Variants in SLC10A7 observed in about 807,000 individuals in gnomAD.
SLC10A7 encodes the protein sodium/bile acid cotransporter 7.
In SLC10A7, 29 loss-of-function variants were observed where a neutral mutation model predicts 43.2. The ratio of observed to expected loss-of-function variants is 0.67; its 90% CI spans 0.50 to 0.92. The LOEUF is 0.92. Among genes scored for constraint, SLC10A7 ranks in the 40% least tolerant of loss-of-function variants. SLC10A7 has a pLI of 0.00. For synonymous variants in SLC10A7, 152 were observed against 144.8 expected, an observed-to-expected ratio of 1.05 and a Z score of -0.35; for missense variants, 295 against 403.2, an observed-to-expected ratio of 0.73 and a Z score of 2.30.
rs75785928 is a variant in SLC10A7 at position 146,260,887 on chromosome 4, G to A, written c.848-2050C>T. ...AGGGGCAGTATGGTGTCAAACTCCC[G>A]TGCTCGCCACACCAGGACGTCCCTG... On this transcript the variant is annotated intron_variant, in intron 10 of 11. Coordinates refer to ENST00000335472, the MANE Select transcript of SLC10A7 (RefSeq NM_001029998.6). Among the ~76,000 whole-genome samples, 7 of 151,890 alleles carry A rather than the reference G, an allele frequency of 4.6e-5. No individual in the cohort carries two copies. The East Asian group carries it at 7.8e-4, about 17-fold the overall frequency.
At chr4:146,391,887 C>A (rs771691916) in intron 5 of SLC10A7, among the ~76,000 whole-genome samples, 1 of 152,168 alleles carries the variant, frequency 6.6e-6, no homozygotes, top group African/African-American at 2.4e-5. Flanking sequence ...CTGGCCCCTA[C>A]AAAATTACCC....
At chr4:146,370,777 T>A (rs1480503345) in intron 5 of SLC10A7, among the ~76,000 whole-genome samples, 1 of 152,182 alleles carries the variant, frequency 6.6e-6, no homozygotes, top group Non-Finnish European at 1.5e-5. Context: ...GTTTCCGAAA[T>A]GTCTACTCCA....
intron 1 of SLC10A7, among the ~76,000 whole-genome samples, chr4:146,517,683 G>A (rs1363254362): frequency 6.6e-6 from 1 of 152,122 alleles, no homozygotes; most frequent in East Asian, 1.9e-4. Flanking sequence ...GAAGCACACA[G>A]GACAGCATGT....
chr4:146,409,719 C>A (rs911217660), intron 5 of SLC10A7, among the ~76,000 whole-genome samples: 1 of 152,058 alleles, frequency 6.6e-6, no homozygotes, highest in African/African-American at 2.4e-5. Context: ...GGTAACTAAT[C>A]AAGAACGTGA....
chr4:146,336,069 T>A lies in SLC10A7; in HGVS notation c.436-10073A>T, dbSNP rs77296856. On this transcript the variant is annotated intron_variant, in intron 5 of 11. Transcript: ENST00000335472. ...GCATATTAAAATTTTAAAAAATGGA[T>A]TTAGATTCTAGAGCAGAGGTTGGCA... Among the ~76,000 whole-genome samples, 1,087 of 152,160 alleles carry A rather than the reference T, an allele frequency of 7.1e-3. 8 individuals are homozygous for A. The highest frequency in any genetic ancestry group is 0.023 in the African/African-American group (967 of 41,516).
At chr4:146,363,279 T>C (rs532965853) in intron 5 of SLC10A7, among the ~76,000 whole-genome samples, 41 of 152,274 alleles carry the variant, frequency 2.7e-4, no homozygotes, top group African/African-American at 9.9e-4. Context: ...AAGGTCATTA[T>C]ATAAGGATAA....
intron 6 of SLC10A7, among the ~76,000 whole-genome samples, chr4:146,309,151 C>T (rs1332567130): frequency 1.3e-5 from 2 of 152,158 alleles, no homozygotes; most frequent in Non-Finnish European, 2.9e-5. Context: ...TCAAACATTA[C>T]TTCTTCAGGA....
chr4:146,497,958 G>A (rs1736044986), intron 4 of SLC10A7, among the ~76,000 whole-genome samples: 1 of 151,650 alleles, frequency 6.6e-6, no homozygotes, highest in South Asian at 2.1e-4. Context: ...ACTGAATCTT[G>A]TATTTAGAAC....
At chr4:146,340,681 G>C (rs1001968855) in intron 5 of SLC10A7, among the ~76,000 whole-genome samples, 2 of 151,738 alleles carry the variant, frequency 1.3e-5, no homozygotes, top group African/African-American at 4.8e-5. Context: ...TTTCAGTAGA[G>C]ACTTATCCCA....
intron 4 of SLC10A7, among the ~76,000 whole-genome samples, chr4:146,494,642 T>G (rs1270909099): frequency 2.0e-5 from 3 of 152,120 alleles, no homozygotes; most frequent in African/African-American, 7.2e-5. Context: ...AATTTGGAGA[T>G]GAGTGGCCAT....
chr4:146,513,000 T>G (rs142272916), intron 2 of SLC10A7, among the ~76,000 whole-genome samples: 1 of 152,202 alleles, frequency 6.6e-6, no homozygotes, highest in African/African-American at 2.4e-5. Flanking sequence ...TAAGTTAAGG[T>G]GCCAAAGAGT....
chr4:146,477,999 T>G (rs1352159557), intron 4 of SLC10A7: 1 of 152,176 alleles, frequency 6.6e-6, no homozygotes, highest in African/African-American at 2.4e-5. Flanking sequence ...GTGTGTGCAC[T>G]TAATACTGCA....
intron 5 of SLC10A7, among the ~76,000 whole-genome samples, chr4:146,406,659 T>C (rs550705555): frequency 4.7e-4 from 71 of 152,286 alleles, no homozygotes; most frequent in African/African-American, 1.7e-3. Flanking sequence ...ATCTGCTCAA[T>C]GCCTAGTTCC....
chr4:146,318,557 T>C (rs999849080), intron 6 of SLC10A7, among the ~76,000 whole-genome samples: 16 of 152,058 alleles, frequency 1.1e-4, no homozygotes, highest in Admixed American at 3.9e-4. Context: ...TCCTCTGATA[T>C]CTTTCATTCT....
intron 4 of SLC10A7, among the ~76,000 whole-genome samples, chr4:146,487,282 C>T (rs1015747761): frequency 6.6e-6 from 1 of 152,192 alleles, no homozygotes; most frequent in Non-Finnish European, 1.5e-5. Context: ...CCTCTCCTTA[C>T]CTGACTTGCA....
chr4:146,353,442 A>C (rs1415021571), intron 5 of SLC10A7, among the ~76,000 whole-genome samples: 61 of 140,170 alleles, frequency 4.4e-4, no homozygotes, highest in South Asian at 7.5e-4. Context: ...ATTCACAGCC[A>C]AATTCTACCA....
chr4:146,432,128 C>T lies in SLC10A7; in HGVS notation c.435+10655G>A, dbSNP rs139510472. Among the ~76,000 whole-genome samples the T allele has an allele frequency of 2.0e-3, 309 of 152,104 alleles. 3 individuals carry two copies. Among genetic ancestry groups the T allele is most frequent in the African/African-American group, 6.1e-3 (255 of 41,480 alleles). ...AGAATGGCTAAAATAAAAAATATTG[C>T]GAATGTCAAGGGATGGCAAGGTTGT... On this transcript the variant is annotated intron_variant, in intron 5 of 11. Transcript: ENST00000335472.
At chr4:146,449,547 G>C (rs1731399495) in intron 4 of SLC10A7, among the ~76,000 whole-genome samples, 1 of 151,840 alleles carries the variant, frequency 6.6e-6, no homozygotes, top group South Asian at 2.1e-4. Flanking sequence ...AGGGCATTGA[G>C]GGCCACAGTG....
intron 10 of SLC10A7, among the ~76,000 whole-genome samples, chr4:146,279,229 C>A (rs1451531476): frequency 6.6e-6 from 1 of 152,150 alleles, no homozygotes; most frequent in Non-Finnish European, 1.5e-5. Flanking sequence ...CTAACACAAA[C>A]ATGCTTAACT....
Sources: allele counts gnomAD v4.1 joint callset (sites outside exome capture counted in the v4.1 genomes callset), GRCh38; gene constraint gnomAD v4.1.1; transcripts MANE v1.5; gene names NCBI Gene and HGNC (gene_info 2026-07-23, HGNC 2026-07-21).